The following STIL variants were observed in gnomAD, a reference collection of about 807,000 sequenced individuals.
The protein encoded by STIL is STIL centriolar assembly protein.
Under a neutral mutation model 110.1 loss-of-function variants are expected in STIL, and 55 were observed. The ratio of observed to expected loss-of-function variants is 0.50; its 90% CI spans 0.40 to 0.63. The LOEUF (loss-of-function observed/expected upper bound fraction) is 0.63, where lower values mean the gene tolerates loss of function less well. STIL is among the 20% of genes least tolerant of loss of function. The pLI is 0.00. For missense variants in STIL, 1,358 were observed against 1,530.0 expected, an observed-to-expected ratio of 0.89 and a Z score of 1.87; for synonymous variants, 481 against 530.0, an observed-to-expected ratio of 0.91 and a Z score of 1.27.
intron 2 of STIL, among the ~76,000 whole-genome samples, chr1:47,308,528 C>G (rs944738110): frequency 6.6e-6 from 1 of 151,826 alleles, no homozygotes; most frequent in African/African-American, 2.4e-5. Flanking sequence ...ACAAACTTCA[C>G]GTTTTCGCTT....
chr1:47,282,248 G>A (rs761906226), intron 11 of STIL, 97 bp downstream of exon 11: 1 of 777,804 alleles, frequency 1.3e-6, no homozygotes, highest in Non-Finnish European at 2.3e-6. Flanking sequence ...ATCTAAGAAT[G>A]ATACTTAGGT....
Position 47,300,102 on chromosome 1 carries a change from C to T in STIL, c.504G>A (p.Leu168=). Residue 168 remains leucine (L), a synonymous_variant, in exon 6 of 17, where the codon CTG becomes CTA. Coordinates refer to ENST00000371877, the MANE Select transcript of STIL (RefSeq NM_001048166.1). ...CSKDSLDCGK[L]LSLRVHITSR... The stretch of plus-strand genomic sequence containing the variant: ...AAGTGATATGAACTCTTAGGGAAAG[C>T]AGCTTACCACAGTCCAAGGAATCTT... 1.2e-6 allele frequency: 2 copies of T among 1,614,078 alleles called. No individual in the cohort carries two copies. The highest frequency in any genetic ancestry group is 1.7e-6 in the Non-Finnish European group (2 of 1,179,966).
intron 8 of STIL, among the ~76,000 whole-genome samples, chr1:47,291,216 C>T (rs1308746947): frequency 6.6e-6 from 1 of 151,944 alleles, no homozygotes; most frequent in African/African-American, 2.4e-5. Flanking sequence ...ACAAAATTAG[C>T]CGGGCATGGT....
At chr1:47,310,208 C>T in intron 2 of STIL, 68 bp downstream of exon 2, 1 of 1,491,418 alleles carries the variant, frequency 6.7e-7, no homozygotes, top group African/African-American at 1.4e-5. Flanking sequence ...TCTTTTTTCT[C>T]TTCCAACCTA....
intron 13 of STIL, among the ~76,000 whole-genome samples, chr1:47,271,558 CAAA>C (rs35926663): frequency 9.3e-5 from 8 of 85,618 alleles, no homozygotes; most frequent in Admixed American, 1.3e-4. Context: ...GACTCCGTCT[CAAA>C]AAAAAAAAAA....
intron 13 of STIL, 34 bp from the exon 14 acceptor site, chr1:47,269,900 A>G: frequency 6.4e-7 from 1 of 1,568,288 alleles, no homozygotes; most frequent in South Asian, 1.1e-5. Flanking sequence ...ACTGAAACAA[A>G]CATTCAACTT....
chr1:47,281,006 G>T lies in STIL; in HGVS notation c.1452C>A (p.Ser484=), dbSNP rs10789505. 8.7e-6 allele frequency: 14 copies of T among 1,613,836 alleles called. No homozygotes were observed. The African/African-American group carries it at 1.5e-4, about 17-fold the overall frequency. The change falls in exon 12 of 17, where the codon TCC becomes TCA. Residue 484 remains serine, a synonymous_variant. Coordinates refer to ENST00000371877, the MANE Select transcript of STIL (RefSeq NM_001048166.1). The part of the protein sequence containing the change: ...HSPEVEAGEP[S]LRGIPNQLNQ... The stretch of plus-strand genomic sequence containing the variant: ...TTAACTGATTTGGTATTCCTCTCAA[G>T]GAAGGCTCTCCAGCTTCAACTTCTG...
At chr1:47,288,804 T>C (rs1645382688) in intron 9 of STIL, among the ~76,000 whole-genome samples, 1 of 148,880 alleles carries the variant, frequency 6.7e-6, no homozygotes, top group Admixed American at 6.8e-5. Context: ...CCCAGCACTT[T>C]GGGAGGCTTA....
chr1:47,274,650 G>A (rs1644935475), intron 12 of STIL, among the ~76,000 whole-genome samples: 2 of 149,448 alleles, frequency 1.3e-5, no homozygotes, highest in Middle Eastern at 3.4e-3. Context: ...CATTTGGCAG[G>A]ACTTCAGTGT....
intron 6 of STIL, among the ~76,000 whole-genome samples, chr1:47,297,083 CCTGT>C (rs1645661460): frequency 6.6e-6 from 1 of 152,122 alleles, no homozygotes; most frequent in South Asian, 2.1e-4. Context: ...GTGGCTCATG[CCTGT>C]AATTCCAACA....
chr1:47,312,202 T>C (rs751040998), intron 1 of STIL, among the ~76,000 whole-genome samples: 56 of 151,998 alleles, frequency 3.7e-4, no homozygotes, highest in Non-Finnish European at 8.1e-4. Flanking sequence ...TCTAATAAAA[T>C]TGACTAGGCC....
intron 6 of STIL, among the ~76,000 whole-genome samples, 155 bp from the exon 7 acceptor site, chr1:47,296,003 C>T (rs1570243516): frequency 6.6e-6 from 1 of 152,098 alleles, no homozygotes; most frequent in Non-Finnish European, 1.5e-5. Flanking sequence ...TTTACTGACT[C>T]AGTAAAAAGA....
intron 12 of STIL, among the ~76,000 whole-genome samples, chr1:47,278,858 C>G (rs1439482820): frequency 6.6e-6 from 1 of 151,628 alleles, no homozygotes; most frequent in East Asian, 1.9e-4. Context: ...AAGAATTTAC[C>G]TAGGTTTAAA....
chr1:47,313,952 G>C (rs1646214846), intron 1 of STIL, 84 bp downstream of exon 1: 1 of 152,410 alleles, frequency 6.6e-6, no homozygotes, highest in East Asian at 1.9e-4. Flanking sequence ...ACCCACTACA[G>C]GGCTTTGAAT....
Position 47,280,723 on chromosome 1 carries a change from G to A in STIL, c.1735C>T (p.His579Tyr). Residue 579 changes from histidine (H) to tyrosine (Y), a missense_variant, in exon 12 of 17, where the codon CAT (histidine) becomes TAT (tyrosine). Transcript: ENST00000371877. ...SQPHDFVFSPHNSGRPMELQI... is the reference protein window; with the variant it reads ...SQPHDFVFSPYNSGRPMELQI... ...AGTTCCATTGGTCTTCCTGAATTATGGGGTGAAAAAACAAAATCGTGTGGT... is the reference window on the plus strand; with the variant it reads ...AGTTCCATTGGTCTTCCTGAATTATAGGGTGAAAAAACAAAATCGTGTGGT... 6.2e-7 allele frequency: 1 copy of A among 1,614,098 alleles called. No homozygotes were observed. The highest frequency in any genetic ancestry group is 2.2e-5 in the East Asian group (1 of 44,884).
Position 47,310,364 on chromosome 1 carries a change from T to C in STIL, c.-43-2A>G. 2 of 1,525,586 alleles carry C rather than the reference T, an allele frequency of 1.3e-6. No individual in the cohort carries two copies. The highest frequency in any genetic ancestry group is 1.8e-6 in the Non-Finnish European group (2 of 1,102,464). 94.5% of individuals were successfully genotyped at this position (1,525,586 alleles called of 1,614,324 possible). On this transcript the variant is annotated splice_acceptor_variant, in intron 1 of 16. Transcript: ENST00000371877. LOFTEE classifies it low-confidence loss of function (5UTR_SPLICE). ...CTTTAATTCCAAATCCTCAGTATCC[T>C]AAAGAATTAAAGAGAATATTACTAA...
intron 12 of STIL, among the ~76,000 whole-genome samples, chr1:47,272,466 G>A (rs1159175080): frequency 1.4e-5 from 2 of 145,684 alleles, no homozygotes; most frequent in East Asian, 4.0e-4. Context: ...TTTTTTTTGA[G>A]ACAAGGTCTT....
chr1:47,278,818 T>A (rs1320000262), intron 12 of STIL, among the ~76,000 whole-genome samples: 1 of 151,676 alleles, frequency 6.6e-6, no homozygotes, highest in African/African-American at 2.4e-5. Context: ...AAAGTAAAAA[T>A]TTTAAAAAAA....
intron 6 of STIL, 47 bp from the exon 7 acceptor site, chr1:47,295,895 T>C: frequency 2.9e-6 from 4 of 1,374,516 alleles, no homozygotes; most frequent in Non-Finnish European, 4.1e-6. Context: ...TATGTACTTT[T>C]TACCTAAAAG....
Sources: allele counts gnomAD v4.1 joint callset (sites outside exome capture counted in the v4.1 genomes callset), GRCh38; gene constraint gnomAD v4.1.1; transcripts MANE v1.5; gene names NCBI Gene and HGNC (gene_info 2026-07-23, HGNC 2026-07-21).